RYR3: variants seen among roughly 807,000 people sequenced by gnomAD.
RYR3 encodes brain ryanodine receptor-calcium release channel.
Under a neutral mutation model 584.3 loss-of-function variants are expected in RYR3, and 207 were observed. That is an observed-to-expected ratio of 0.35 (90% CI 0.32 to 0.40). RYR3 has a LOEUF of 0.40. Among genes scored for constraint, RYR3 ranks in the 10% least tolerant of loss-of-function variants. The probability of loss-of-function intolerance (pLI) is 1.00; values close to 1 mark genes in which losing one functional copy is unlikely to be tolerated. For missense variants in RYR3, 5,616 were observed against 6,089.2 expected (o/e 0.92, Z 2.59); for synonymous variants, 2,416 against 2,248.5 (o/e 1.07, Z -2.11).
chr15:33,707,589 T>C (rs890506320), intron 43 of RYR3, among the ~76,000 whole-genome samples: 1 of 152,246 alleles, frequency 6.6e-6, no homozygotes, highest in Non-Finnish European at 1.5e-5. Context: ...CAGAATTCTT[T>C]AGTTGCTCTG....
Position 33,756,377 on chromosome 15 carries a change from A to G in RYR3, c.8583+4A>G. ...GGAGATCAAATTCTTTGCCAAAGTA[A>G]GTGGCCCTGCACTTAATCAAATTAC... On this transcript the variant is annotated splice_donor_region_variant and intron_variant, in intron 59 of 103. Coordinates refer to ENST00000634891, the MANE Select transcript of RYR3 (RefSeq NM_001036.6). 1 of 1,565,876 alleles carries G rather than the reference A, an allele frequency of 6.4e-7. No homozygotes were observed. Among genetic ancestry groups the G allele is most frequent in the Non-Finnish European group, 8.7e-7 (1 of 1,152,690 alleles).
At chr15:33,343,494 T>TC (rs1267138763) in intron 1 of RYR3, among the ~76,000 whole-genome samples, 1 of 152,190 alleles carries the variant, frequency 6.6e-6, no homozygotes, top group South Asian at 2.1e-4. Context: ...CCTCCTCCCA[T>TC]CCCCCGCAGT....
rs1427631433 is a variant in RYR3, at chr15:33,483,701, T to G, written c.171+10163T>G. 7.9e-5 allele frequency among the ~76,000 whole-genome samples: 12 copies of G among 152,346 alleles called. No homozygotes were observed. In the South Asian group the frequency reaches 1.2e-3, roughly 16 times the overall value. ...TTATTCTAAGCATTTTAGCTGTTGC[T>G]TTCTAGCAATGCTGTCTTATATAGC... On this transcript the variant is annotated intron_variant, in intron 2 of 103. Coordinates refer to ENST00000634891, the MANE Select transcript of RYR3 (RefSeq NM_001036.6).
chr15:33,430,301 T>C (rs559431829), intron 1 of RYR3, among the ~76,000 whole-genome samples: 11 of 152,070 alleles, frequency 7.2e-5, no homozygotes, highest in African/African-American at 2.4e-4. Flanking sequence ...TTTTTAAAGG[T>C]GGGGAGGGAG....
intron 52 of RYR3, among the ~76,000 whole-genome samples, chr15:33,744,657 C>G (rs2070499453): frequency 6.6e-6 from 1 of 152,114 alleles, no homozygotes; most frequent in South Asian, 2.1e-4. Flanking sequence ...TGAGTGGGAG[C>G]CATTTGTCAC....
At chr15:33,611,082 C>T (rs1026834601) in intron 18 of RYR3, among the ~76,000 whole-genome samples, 15 of 152,090 alleles carry the variant, frequency 9.9e-5, no homozygotes, top group African/African-American at 2.9e-4. Context: ...GATACATGTA[C>T]AGAATTTGTA....
At chr15:33,582,921 G>T (rs145795083) in intron 14 of RYR3, among the ~76,000 whole-genome samples, 314 of 152,322 alleles carry the variant, frequency 2.1e-3, no homozygotes, top group African/African-American at 7.3e-3. Context: ...CAAGCTACTT[G>T]GGGGCGAATC....
chr15:33,445,185 G>C (rs1191385371), intron 1 of RYR3, among the ~76,000 whole-genome samples: 1 of 152,236 alleles, frequency 6.6e-6, no homozygotes, highest in Non-Finnish European at 1.5e-5. Context: ...AGTGGTCAGA[G>C]CAGAGGTGGT....
intron 70 of RYR3, among the ~76,000 whole-genome samples, chr15:33,809,323 G>T (rs773189762): frequency 3.9e-5 from 6 of 152,250 alleles, no homozygotes; most frequent in Non-Finnish European, 8.8e-5. Flanking sequence ...ATAGCGTAAA[G>T]CTTTGGTGAG....
intron 3 of RYR3, among the ~76,000 whole-genome samples, chr15:33,523,444 T>G (rs1167001168): frequency 6.6e-6 from 1 of 152,158 alleles, no homozygotes; most frequent in Non-Finnish European, 1.5e-5. Flanking sequence ...GAGCAAACTC[T>G]GGACACCCCA....
intron 2 of RYR3, among the ~76,000 whole-genome samples, chr15:33,476,640 T>G (rs942334123): frequency 1.3e-5 from 2 of 152,222 alleles, no homozygotes; most frequent in African/African-American, 4.8e-5. Context: ...TTTCTTGGTT[T>G]ATTTTGGCTT....
chr15:33,637,371 C>T lies in RYR3; in HGVS notation c.3556+821C>T, dbSNP rs184988059. On this transcript the variant is annotated intron_variant, in intron 27 of 103. Coordinates refer to ENST00000634891, the MANE Select transcript of RYR3 (RefSeq NM_001036.6). ...TCTTCCCAGATATAAAATTCAACGG[C>T]AGTGACTTAACACCTGCTGTGTGAA... Among the ~76,000 whole-genome samples the T allele has an allele frequency of 1.1e-3, 168 of 152,364 alleles. 1 individual carries two copies. Among genetic ancestry groups the T allele is most frequent in the Non-Finnish European group, 1.9e-3 (132 of 68,036 alleles).
intron 1 of RYR3, among the ~76,000 whole-genome samples, chr15:33,340,913 A>G (rs1386453901): frequency 6.6e-6 from 1 of 152,172 alleles, no homozygotes; most frequent in Non-Finnish European, 1.5e-5. Flanking sequence ...TCATCTGAAA[A>G]TAAAGATCTA....
At chr15:33,458,618 A>G (rs1344350972) in intron 1 of RYR3, among the ~76,000 whole-genome samples, 2 of 152,166 alleles carry the variant, frequency 1.3e-5, no homozygotes, top group East Asian at 3.8e-4. Context: ...TAAGTTCATG[A>G]TTCCCTAGTT....
At chr15:33,357,774 C>T (rs1243869772) in intron 1 of RYR3, among the ~76,000 whole-genome samples, 1 of 152,144 alleles carries the variant, frequency 6.6e-6, no homozygotes, top group Non-Finnish European at 1.5e-5. Flanking sequence ...ACATTATTGA[C>T]TATTTTAAAA....
At chr15:33,369,901 G>T (rs2040202834) in intron 1 of RYR3, among the ~76,000 whole-genome samples, 10 of 152,160 alleles carry the variant, frequency 6.6e-5, no homozygotes, top group Admixed American at 6.5e-4. Flanking sequence ...GGACTTTAAG[G>T]CTTAGATCAT....
At chr15:33,731,746 C>T in intron 48 of RYR3, 52 bp downstream of exon 48, 1 of 1,241,610 alleles carries the variant, frequency 8.1e-7, no homozygotes, top group Non-Finnish European at 1.2e-6. Context: ...AGGTCAACTG[C>T]ATTTTCCTAT....
At chr15:33,446,101 G>A (rs1435587250) in intron 1 of RYR3, among the ~76,000 whole-genome samples, 2 of 152,122 alleles carry the variant, frequency 1.3e-5, no homozygotes, top group Admixed American at 1.3e-4. Context: ...TTTATCCATG[G>A]CGAGGTGCAG....
intron 1 of RYR3, among the ~76,000 whole-genome samples, chr15:33,460,026 T>C (rs528726396): frequency 2.6e-5 from 4 of 152,306 alleles, no homozygotes; most frequent in Non-Finnish European, 5.9e-5. Flanking sequence ...TTAAACTAGA[T>C]TTTGGTTTGG....
Sources: allele counts gnomAD v4.1 joint callset (sites outside exome capture counted in the v4.1 genomes callset), GRCh38; gene constraint gnomAD v4.1.1; transcripts MANE v1.5; gene names NCBI Gene and HGNC (gene_info 2026-07-23, HGNC 2026-07-21).